Variants in HBG2 observed in about 807,000 individuals in gnomAD.
HBG2 encodes the protein hemoglobin subunit gamma-2.
For synonymous variants in HBG2, 25 were observed against 63.2 expected, an observed-to-expected ratio of 0.40 and a Z score of 2.87; for missense variants, 59 against 155.7, an observed-to-expected ratio of 0.38 and a Z score of 3.31.
At chr11:5,254,041 GA>G (rs1303215462) in intron 2 of HBG2, among the ~76,000 whole-genome samples, 4 of 151,778 alleles carry the variant, frequency 2.6e-5, no homozygotes, top group Admixed American at 2.6e-4. Flanking sequence ...ATCTAATAAA[GA>G]AAAGTCATTT....
intron 2 of HBG2, among the ~76,000 whole-genome samples, chr11:5,253,719 C>CAGAG (rs1564886159): frequency 1.3e-5 from 2 of 150,638 alleles, no homozygotes; most frequent in African/African-American, 5.0e-5. Flanking sequence ...CACACACACA[C>CAGAG]AGAGCTGACT....
chr11:5,253,698 G>GTGCACACACACACACACACACA, intron 2 of HBG2, among the ~76,000 whole-genome samples: 1 of 134,556 alleles, frequency 7.4e-6, no homozygotes, highest in East Asian at 2.2e-4. Flanking sequence ...ACACACGCGC[G>GTGCACACACACACACACACACA]CACACACACA....
intron 2 of HBG2, 75 bp downstream of exon 2, chr11:5,254,217 G>A: frequency 3.8e-6 from 6 of 1,597,676 alleles, no homozygotes; most frequent in East Asian, 2.2e-5. Context: ...ACCCTGCTGT[G>A]CTCAGATCAA....
At chr11:5,253,716 A>ACACACACACACACACACG (rs1847981856) in intron 2 of HBG2, among the ~76,000 whole-genome samples, 1 of 151,522 alleles carries the variant, frequency 6.6e-6, no homozygotes, top group South Asian at 2.1e-4. Context: ...ACACACACAC[A>ACACACACACACACACACG]CACAGAGCTG....
Position 5,254,261 on chromosome 11 carries a change from G to T in HBG2, c.315+31C>A, listed in dbSNP as rs185654287. 8.3e-5 allele frequency: 134 copies of T among 1,614,094 alleles called. 1 individual carries two copies. In the African/African-American group the frequency reaches 1.0e-3, roughly 12 times the overall value. ...TGTCTAAGTTGCCTCGAGACTAAAGGCAACAGTGCTGAAACATCTCCTGGA... is the reference window on the plus strand; with the variant it reads ...TGTCTAAGTTGCCTCGAGACTAAAGTCAACAGTGCTGAAACATCTCCTGGA... On this transcript the variant is annotated intron_variant, in intron 2 of 2. Transcript: ENST00000336906.
chr11:5,253,566 G>T (rs1847976771), intron 2 of HBG2, among the ~76,000 whole-genome samples, 161 bp from the exon 3 acceptor site: 2 of 152,078 alleles, frequency 1.3e-5, no homozygotes, highest in Non-Finnish European at 2.9e-5. Flanking sequence ...GCAGGTAGTT[G>T]TTCTTCTTGC....
Position 5,253,325 on chromosome 11 carries a change from C to T in HBG2, c.396G>A (p.Gln132=), listed in dbSNP as rs1342817206. 22 of 1,613,954 alleles carry T rather than the reference C, an allele frequency of 1.4e-5. No individual in the cohort carries two copies. Among genetic ancestry groups the T allele is most frequent in the Non-Finnish European group, 1.9e-5 (22 of 1,179,982 alleles). The change falls in exon 3 of 3, where the codon CAG becomes CAA. Residue 132 remains glutamine, a synonymous_variant. Transcript: ENST00000336906. The part of the protein sequence containing the change: ...EFTPEVQASW[Q]KMVTGVASAL... ...CACTGGCCACTCCAGTCACCATCTT[C>T]TGCCAGGAAGCCTGCACCTCAGGGG...
chr11:5,254,251 G>C (rs753431562), intron 2 of HBG2, 41 bp downstream of exon 2: 2 of 1,613,156 alleles, frequency 1.2e-6, no homozygotes, highest in South Asian at 1.1e-5. Flanking sequence ...AAGTTGCCTC[G>C]AGACTAAAGG....
chr11:5,253,694 G>GTGCA lies in HBG2; in HGVS notation c.316-290_316-289insTGCA, dbSNP rs1554922311. On this transcript the variant is annotated intron_variant, in intron 2 of 2. Coordinates refer to ENST00000336906, the MANE Select transcript of HBG2 (RefSeq NM_000184.3). The stretch of plus-strand genomic sequence containing the variant: ...CGCTCTCACACACACACAAACACAC[G>GTGCA]CGCGCACACACACACACACACACAC... Among the ~76,000 whole-genome samples, 69 of 39,556 alleles carry GTGCA rather than the reference G, an allele frequency of 1.7e-3. 1 individual carries two copies. Among genetic ancestry groups the GTGCA allele is most frequent in the Middle Eastern group, 0.023 (1 of 44 alleles). 26.0% of individuals were successfully genotyped at this position (39,556 alleles called of 152,430 possible). A position where few individuals can be genotyped will look rare whatever the true frequency, so the allele number is the denominator to read the frequency against.
intron 2 of HBG2, among the ~76,000 whole-genome samples, 183 bp from the exon 3 acceptor site, chr11:5,253,588 C>T (rs1221253116): frequency 1.3e-5 from 2 of 152,078 alleles, no homozygotes; most frequent in African/African-American, 4.8e-5. Context: ...GCACTAGTCA[C>T]TGGCCATAAT....
In HBG2 at chr11:5,254,177, T is replaced by C. The variant is rs2070973; in HGVS notation, c.315+115A>G. On this transcript the variant is annotated intron_variant, in intron 2 of 2. Coordinates refer to ENST00000336906, the MANE Select transcript of HBG2 (RefSeq NM_000184.3). ...AGTTAGTCCTCTGCAGTTTCTTCAC[T>C]CCCAACCCCAGTATCTTCAAACAGC... 400,294 of 1,087,456 alleles carry C rather than the reference T, an allele frequency of 0.37. 90,851 individuals carry two copies. Among genetic ancestry groups the C allele is most frequent in the East Asian group, 0.72 (27,787 of 38,822 alleles). 67.4% of individuals were successfully genotyped at this position (1,087,456 alleles called of 1,614,324 possible).
chr11:5,253,377 A>G lies in HBG2; in HGVS notation c.344T>C (p.Leu115Ser), dbSNP rs1847973601. 1 of 1,613,260 alleles carries G rather than the reference A, an allele frequency of 6.2e-7. No homozygotes were observed. The highest frequency in any genetic ancestry group is 1.3e-5 in the African/African-American group (1 of 74,892). The change falls in exon 3 of 3, where the codon TTG (leucine) becomes TCG (serine). Residue 115 changes from leucine to serine, a missense_variant. Coordinates refer to ENST00000336906, the MANE Select transcript of HBG2 (RefSeq NM_000184.3). ...KLLGNVLVTV[L>S]AIHFGKEFTP... is the part of the protein sequence containing the mutation. Reference sequence around the variant, plus strand: ...GAATTCTTTGCCGAAATGGATTGCCAAAACGGTCACCAGCACATTTCCCAG... The same window carrying G: ...GAATTCTTTGCCGAAATGGATTGCCGAAACGGTCACCAGCACATTTCCCAG...
intron 2 of HBG2, 53 bp from the exon 3 acceptor site, chr11:5,253,458 C>A (rs1847975124): frequency 4.1e-6 from 6 of 1,479,040 alleles, no homozygotes; most frequent in Admixed American, 3.4e-5. Context: ...GCTGAGAGCT[C>A]CAGCCTGGCC....
At chr11:5,253,692 A>ACG (rs773401799) in intron 2 of HBG2, among the ~76,000 whole-genome samples, 23 of 87,310 alleles carry the variant, frequency 2.6e-4, no homozygotes, top group African/African-American at 6.0e-4. Context: ...ACACAAACAC[A>ACG]CGCGCGCACA....
At position 5,253,698 on chromosome 11, in the gene HBG2, G is replaced by GTGCACACACACACACACA. The variant is rs1554922325; in HGVS notation, c.316-294_316-293insTGTGTGTGTGTGTGTGCA. 9.7e-5 allele frequency among the ~76,000 whole-genome samples: 13 copies of GTGCACACACACACACACA among 134,554 alleles called. No homozygotes were observed. The South Asian group carries it at 2.5e-3, about 26-fold the overall frequency. 88.3% of individuals were successfully genotyped at this position (134,554 alleles called of 152,430 possible). A position where few individuals can be genotyped will look rare whatever the true frequency, so the allele number is the denominator to read the frequency against. ...CTCACACACACACAAACACACGCGC[G>GTGCACACACACACACACA]CACACACACACACACACACACAGAG... On this transcript the variant is annotated intron_variant, in intron 2 of 2. Coordinates refer to ENST00000336906, the MANE Select transcript of HBG2 (RefSeq NM_000184.3).
chr11:5,253,700 A>ACT (rs112355732), intron 2 of HBG2, among the ~76,000 whole-genome samples: 14,720 of 107,736 alleles, frequency 0.14, 2,181 homozygotes, highest in African/African-American at 0.37. Flanking sequence ...ACACGCGCGC[A>ACT]CACACACACA....
rs1333574834 is a variant in HBG2, at chr11:5,253,393, C to T, written c.328G>A (p.Val110Met). The T allele has an allele frequency of 6.2e-6, 10 of 1,613,156 alleles. No individual in the cohort carries two copies. Among genetic ancestry groups the T allele is most frequent in the Non-Finnish European group, 8.5e-6 (10 of 1,179,258 alleles). The change falls in exon 3 of 3, where the codon GTG becomes ATG. Residue 110 changes from valine (V) to methionine (M), a missense_variant. Val to Met is a conservative substitution (Grantham distance 21). Coordinates refer to ENST00000336906, the MANE Select transcript of HBG2 (RefSeq NM_000184.3). The part of the protein sequence containing the change: ...DPENFKLLGN[V>M]LVTVLAIHFG... ...TGGATTGCCAAAACGGTCACCAGCACATTTCCCAGGAGCTGTTGAGATGAA... is the reference window on the plus strand; with the variant it reads ...TGGATTGCCAAAACGGTCACCAGCATATTTCCCAGGAGCTGTTGAGATGAA...
intron 2 of HBG2, among the ~76,000 whole-genome samples, chr11:5,254,039 A>C (rs111945382): frequency 6.6e-6 from 1 of 151,770 alleles, no homozygotes; most frequent in African/African-American, 2.4e-5. Context: ...AAATCTAATA[A>C]AGAAAAGTCA....
Position 5,253,343 on chromosome 11 carries a change from C to G in HBG2, c.378G>C (p.Glu126Asp), listed in dbSNP as rs761118458. 1.2e-6 allele frequency: 2 copies of G among 1,613,872 alleles called. No homozygotes were observed. The highest frequency in any genetic ancestry group is 2.2e-5 in the East Asian group (1 of 44,856). ...CCATCTTCTGCCAGGAAGCCTGCAC[C>G]TCAGGGGTGAATTCTTTGCCGAAAT... ...AIHFGKEFTPEVQASWQKMVT... is the reference protein window; with the variant it reads ...AIHFGKEFTPDVQASWQKMVT... The change falls in exon 3 of 3, where the codon GAG becomes GAC. Residue 126 changes from glutamate to aspartate, a missense_variant. Coordinates refer to ENST00000336906, the MANE Select transcript of HBG2 (RefSeq NM_000184.3).
Sources: allele counts gnomAD v4.1 joint callset (sites outside exome capture counted in the v4.1 genomes callset), GRCh38; gene constraint gnomAD v4.1.1; transcripts MANE v1.5; gene names NCBI Gene and HGNC (gene_info 2026-07-23, HGNC 2026-07-21).